GPR155: variants seen among roughly 807,000 people sequenced by gnomAD.
The protein encoded by GPR155 is G protein-coupled receptor 155, also known as lysosomal cholesterol signaling protein.
Under a neutral mutation model 93.1 loss-of-function variants are expected in GPR155, and 65 were observed. The observed-to-expected ratio is 0.70, with a 90% CI of 0.57 to 0.86. The LOEUF (loss-of-function observed/expected upper bound fraction) is 0.86. Among genes scored for constraint, GPR155 ranks in the 40% least tolerant of loss-of-function variants. The probability of loss-of-function intolerance (pLI) is 0.00; values close to 1 mark genes in which losing one functional copy is unlikely to be tolerated. For synonymous variants in GPR155, 319 were observed against 360.1 expected, an observed-to-expected ratio of 0.89 and a Z score of 1.29; for missense variants, 838 against 1,034.8, an observed-to-expected ratio of 0.81 and a Z score of 2.61.
chr2:174,463,561 C>G lies in GPR155; in HGVS notation c.1385-1889G>C, dbSNP rs562183101. 2.9e-4 allele frequency among the ~76,000 whole-genome samples: 44 copies of G among 152,188 alleles called. No individual in the cohort carries two copies. In the South Asian group the frequency reaches 8.7e-3, roughly 30 times the overall value. ...AAGTGAAGGCCAAATGATATTACAACGCACAGTCCAAATGAAATGGTAGTT... is the reference window on the plus strand; with the variant it reads ...AAGTGAAGGCCAAATGATATTACAAGGCACAGTCCAAATGAAATGGTAGTT... On this transcript the variant is annotated intron_variant, in intron 7 of 15. Transcript: ENST00000392552.
At chr2:174,442,258 C>T (rs1378579500) in intron 13 of GPR155, 75 bp from the exon 14 acceptor site, 3 of 835,788 alleles carry the variant, frequency 3.6e-6, no homozygotes, top group East Asian at 2.5e-5. Flanking sequence ...AAGGAAGTCA[C>T]CAAATTTAGT....
intron 3 of GPR155, among the ~76,000 whole-genome samples, chr2:174,471,618 T>C (rs1688001723): frequency 6.6e-6 from 1 of 152,044 alleles, no homozygotes; most frequent in African/African-American, 2.4e-5. Flanking sequence ...GTTGAGCAAA[T>C]AGGGCTCTCC....
chr2:174,466,674 T>C, intron 5 of GPR155, 47 bp from the exon 6 acceptor site: 2 of 952,800 alleles, frequency 2.1e-6, no homozygotes, highest in East Asian at 2.4e-5. Context: ...TTAATCTTTA[T>C]AATTACTTAT....
At chr2:174,479,321 C>T (rs370527443) in intron 2 of GPR155, among the ~76,000 whole-genome samples, 24 of 152,162 alleles carry the variant, frequency 1.6e-4, no homozygotes, top group African/African-American at 5.8e-4. Context: ...AGGAAAAAAA[C>T]CCTTTCATTT....
intron 5 of GPR155, among the ~76,000 whole-genome samples, chr2:174,468,040 T>G (rs1687890793): frequency 6.6e-6 from 1 of 152,152 alleles, no homozygotes; most frequent in African/African-American, 2.4e-5. Flanking sequence ...CAGATCACAT[T>G]CCTCATATTT....
chr2:174,446,557 T>G (rs965219953), intron 12 of GPR155, 54 bp downstream of exon 12: 3 of 1,570,240 alleles, frequency 1.9e-6, no homozygotes, highest in Non-Finnish European at 2.6e-6. Context: ...GAATAAAACC[T>G]TTGCCAAAAA....
chr2:174,447,031 G>A (rs1324095846), intron 11 of GPR155, among the ~76,000 whole-genome samples: 2 of 151,920 alleles, frequency 1.3e-5, no homozygotes, highest in Non-Finnish European at 2.9e-5. Context: ...ATATAATTTG[G>A]TCTTTAAAAA....
intron 12 of GPR155, 45 bp from the exon 13 acceptor site, chr2:174,445,221 A>G: frequency 1.1e-6 from 1 of 935,744 alleles, no homozygotes; most frequent in South Asian, 1.3e-5. Flanking sequence ...AAGCAAGCTG[A>G]TAATTCCTCT....
chr2:174,485,114 C>A (rs749723933), intron 1 of GPR155, among the ~76,000 whole-genome samples: 5 of 152,026 alleles, frequency 3.3e-5, no homozygotes, highest in Non-Finnish European at 7.4e-5. Context: ...GGATGGGATG[C>A]GTCATAAATT....
Position 174,436,820 on chromosome 2 carries a change from C to T in GPR155, c.2313-404G>A, listed in dbSNP as rs544727434. On this transcript the variant is annotated intron_variant, in intron 15 of 15. Transcript: ENST00000392552. Reference sequence around the variant, plus strand: ...TGTCAGGAACACTAAATATTTTTCACGAGCTCTTAAGAAGTGATTATTTTC... The same window carrying T: ...TGTCAGGAACACTAAATATTTTTCATGAGCTCTTAAGAAGTGATTATTTTC... 7.9e-5 allele frequency among the ~76,000 whole-genome samples: 12 copies of T among 152,302 alleles called. No homozygotes were observed. The South Asian group carries it at 1.5e-3, about 18-fold the overall frequency.
At chr2:174,451,542 C>G (rs1687321386) in intron 11 of GPR155, among the ~76,000 whole-genome samples, 1 of 152,110 alleles carries the variant, frequency 6.6e-6, no homozygotes, top group South Asian at 2.1e-4. Flanking sequence ...AGGGATGGCA[C>G]TAAATTGTAT....
At chr2:174,462,540 C>T (rs536688608) in intron 7 of GPR155, among the ~76,000 whole-genome samples, 29 of 152,312 alleles carry the variant, frequency 1.9e-4, no homozygotes, top group African/African-American at 6.7e-4. Context: ...AACTGCTGGC[C>T]TCAAGTGATC....
chr2:174,453,617 G>A (rs1052465330), intron 11 of GPR155, 120 bp downstream of exon 11: 10 of 562,304 alleles, frequency 1.8e-5, no homozygotes, highest in African/African-American at 1.0e-4. Context: ...CCAAGATAGC[G>A]CCACTGCACT....
chr2:174,474,522 C>A (rs1473243800), intron 2 of GPR155, among the ~76,000 whole-genome samples: 3 of 152,028 alleles, frequency 2.0e-5, no homozygotes, highest in Admixed American at 6.6e-5. Flanking sequence ...CCCCCCACCC[C>A]CCATAGCATG....
intron 11 of GPR155, among the ~76,000 whole-genome samples, chr2:174,450,019 G>A (rs996025022): frequency 1.3e-5 from 2 of 151,802 alleles, no homozygotes; most frequent in African/African-American, 2.4e-5. Context: ...GGTTGCACAC[G>A]TCCGTAGTCC....
intron 7 of GPR155, among the ~76,000 whole-genome samples, chr2:174,465,239 A>C (rs1330234445): frequency 6.6e-6 from 1 of 152,104 alleles, no homozygotes; most frequent in African/African-American, 2.4e-5. Flanking sequence ...TCTTCTATTT[A>C]ATAACTAACA....
chr2:174,443,491 G>A (rs895126718), intron 13 of GPR155, among the ~76,000 whole-genome samples: 11 of 152,186 alleles, frequency 7.2e-5, no homozygotes, highest in African/African-American at 2.7e-4. Context: ...CACTTTGGGA[G>A]GCCAAGGCAG....
chr2:174,439,605 G>C (rs1239177246), intron 15 of GPR155, among the ~76,000 whole-genome samples: 2 of 152,128 alleles, frequency 1.3e-5, no homozygotes, highest in African/African-American at 4.8e-5. Flanking sequence ...CTTGAAATCA[G>C]TGTCAATATT....
chr2:174,445,053 C>A (rs770344625), intron 13 of GPR155, 28 bp downstream of exon 13: 1 of 1,136,992 alleles, frequency 8.8e-7, no homozygotes, highest in South Asian at 1.2e-5. Flanking sequence ...AAGACAAAAA[C>A]CCCTCAAAGT....
Sources: allele counts gnomAD v4.1 joint callset (sites outside exome capture counted in the v4.1 genomes callset), GRCh38; gene constraint gnomAD v4.1.1; transcripts MANE v1.5; gene names NCBI Gene and HGNC (gene_info 2026-07-23, HGNC 2026-07-21).